OPLAH: variants seen among roughly 807,000 people sequenced by gnomAD.
OPLAH encodes 5-oxoprolinase.
Under a neutral mutation model 122.8 loss-of-function variants are expected in OPLAH, and 103 were observed. That is an observed-to-expected ratio of 0.84 (90% CI 0.71 to 0.99). The LOEUF (loss-of-function observed/expected upper bound fraction) is 0.99, where lower values mean the gene tolerates loss of function less well. Ranked by LOEUF, OPLAH falls within the 50% of genes least tolerant of loss-of-function variation. OPLAH has a pLI of 0.00. For missense variants in OPLAH, 1,902 were observed against 1,836.5 expected (o/e 1.04, Z -0.65); for synonymous variants, 875 against 796.0 (o/e 1.10, Z -1.67).
Position 144,054,789 on chromosome 8 carries a change from G to A in OPLAH, c.2511+23C>T, listed in dbSNP as rs1312063130. On this transcript the variant is annotated intron_variant, in intron 18 of 26. Coordinates refer to ENST00000618853, the MANE Select transcript of OPLAH (RefSeq NM_017570.5). ...CATCGGCCACCACTGCCCCAGCAGA[G>A]GCAGGCGGGCAGCACCCCTCACCGG... 3.1e-6 allele frequency: 5 copies of A among 1,612,070 alleles called. No individual in the cohort carries two copies. In the South Asian group the frequency reaches 3.3e-5, roughly 11 times the overall value.
chr8:144,051,855 G>A, intron 25 of OPLAH, 29 bp from the exon 26 acceptor site: 1 of 893,302 alleles, frequency 1.1e-6, no homozygotes, highest in Non-Finnish European at 1.5e-6. Context: ...AGTCCAGAGA[G>A]ACCAGGGGCG....
chr8:144,057,075 C>T lies in OPLAH; in HGVS notation c.1579G>A (p.Val527Met), dbSNP rs375093557. ...CAGGGTTCCTGTGCCTCATGCACCACGTCAGCCAGGGCCAGCCCCAGGGCC... is the reference window on the plus strand; with the variant it reads ...CAGGGTTCCTGTGCCTCATGCACCATGTCAGCCAGGGCCAGCCCCAGGGCC... ...LSALGLALAD[V>M]VHEAQEPCSL... The change falls in exon 12 of 27, where the codon GTG becomes ATG. Residue 527 changes from valine to methionine, a missense_variant. Physicochemically the swap from Val to Met is conservative, Grantham distance 21. This residue lies in a region of OPLAH where 1,726 missense variants were observed against 1,642.1 expected (regional missense o/e 1.05). Transcript: ENST00000618853. 8 of 1,602,682 alleles carry T rather than the reference C, an allele frequency of 5.0e-6. No homozygotes were observed. In the East Asian group the frequency reaches 6.7e-5, roughly 14 times the overall value.
chr8:144,054,781 C>T (rs1835468063), intron 18 of OPLAH, 31 bp downstream of exon 18: 1 of 1,611,964 alleles, frequency 6.2e-7, no homozygotes, highest in Non-Finnish European at 8.5e-7. Context: ...CACCACTGCC[C>T]CAGCAGAGGC....
At chr8:144,060,155 C>CG (rs1241877833) in intron 1 of OPLAH, 70 bp from the exon 2 acceptor site, 6 of 1,133,950 alleles carry the variant, frequency 5.3e-6, no homozygotes, top group South Asian at 1.6e-5. Flanking sequence ...CCTGCGCATG[C>CG]GGGGGGTTCC....
chr8:144,056,335 T>C, intron 14 of OPLAH, 50 bp downstream of exon 14: 2 of 1,594,854 alleles, frequency 1.3e-6, no homozygotes, highest in Non-Finnish European at 1.7e-6. Flanking sequence ...TTGGTCCCCA[T>C]CCCGGTGCCC....
At position 144,056,268 on chromosome 8, in the gene OPLAH, G is replaced by A. The variant is rs1554759023; in HGVS notation, c.1984-9C>T. 1 of 1,608,110 alleles carries A rather than the reference G, an allele frequency of 6.2e-7. No homozygotes were observed. Among genetic ancestry groups the A allele is most frequent in the South Asian group, 1.1e-5 (1 of 90,990 alleles). ...AAGTAGCACTGGGTCATCTGCAGAG[G>A]GTGCGGGTGAGTACAGCGCCCGGGC... On this transcript the variant is annotated splice_polypyrimidine_tract_variant and intron_variant, in intron 14 of 26. Coordinates refer to ENST00000618853, the MANE Select transcript of OPLAH (RefSeq NM_017570.5).
At chr8:144,054,976 GGGGGT>G in intron 17 of OPLAH, 48 bp downstream of exon 17, 1 of 1,049,518 alleles carries the variant, frequency 9.5e-7, no homozygotes, top group Non-Finnish European at 1.3e-6. Flanking sequence ...GGGGTGGGGG[GGGGGT>G]GGAGGGTGAG....
At position 144,052,485 on chromosome 8, in the gene OPLAH, G is replaced by A. The variant is rs782327071; in HGVS notation, c.3267C>T (p.Val1089=). 1 of 1,560,624 alleles carries A rather than the reference G, an allele frequency of 6.4e-7. No homozygotes were observed. Among genetic ancestry groups the A allele is most frequent in the Non-Finnish European group, 8.6e-7 (1 of 1,159,680 alleles). The change falls in exon 23 of 27, where the codon GTC becomes GTT. Residue 1089 remains valine, a synonymous_variant. Coordinates refer to ENST00000618853, the MANE Select transcript of OPLAH (RefSeq NM_017570.5). ...NVLTSQRVVD[V]ILGAFGACAA... ...CGCAGGCCCCAAAGGCCCCCAGGAT[G>A]ACATCCACCACGCGCTGCGACGTGA...
chr8:144,059,130 G>A (rs1835606645), intron 3 of OPLAH, 51 bp from the exon 4 acceptor site: 22 of 1,434,246 alleles, frequency 1.5e-5, no homozygotes, highest in East Asian at 7.4e-5. Context: ...GGTCCAGGCC[G>A]GGGTCCTGTG....
chr8:144,063,597 C>T (rs781905732), upstream of OPLAH: 35 of 152,868 alleles, frequency 2.3e-4, no homozygotes, highest in Non-Finnish European at 4.4e-5. The surrounding 1 kb of genome is among the most constrained non-coding windows in gnomAD (Gnocchi z 4.2). Flanking sequence ...CCCCGCCGCA[C>T]ATCCTGGAAG....
In OPLAH at chr8:144,052,157, C is replaced by G. The variant is rs782316792; in HGVS notation, c.3461+12G>C. The G allele has an allele frequency of 6.4e-6, 10 of 1,558,046 alleles. No homozygotes were observed. The highest frequency in any genetic ancestry group is 8.7e-6 in the Non-Finnish European group (10 of 1,155,672). ...CCCGGCCGTGCCCCCAGCCTCCGCGCACGCCGCTCACCGGCTCTCCAGGAT... is the reference window on the plus strand; with the variant it reads ...CCCGGCCGTGCCCCCAGCCTCCGCGGACGCCGCTCACCGGCTCTCCAGGAT... On this transcript the variant is annotated intron_variant, in intron 24 of 26. Transcript: ENST00000618853.
At position 144,056,729 on chromosome 8, in the gene OPLAH, A is replaced by G; in HGVS notation, c.1733T>C (p.Leu578Pro). Residue 578 changes from leucine to proline, a missense_variant, in exon 13 of 27, where the codon CTG becomes CCG. Leu to Pro is a moderately conservative substitution (Grantham distance 98). Around this residue, in one of 3 missense-constraint regions of OPLAH, gnomAD observed 1,726 missense variants for 1,642.1 expected, o/e 1.05. Transcript: ENST00000618853. Reference protein sequence around the residue: ...PRSQISTESFLHLRYQGTDCA... With the variant: ...PRSQISTESFPHLRYQGTDCA... The stretch of plus-strand genomic sequence containing the variant: ...GTCCGTGCCCTGGTAGCGCAGGTGC[A>G]GGAAGCTCTCAGTGCTGATCTGGGA... 1.2e-6 allele frequency: 2 copies of G among 1,610,746 alleles called. No homozygotes were observed. The highest frequency in any genetic ancestry group is 1.7e-6 in the Non-Finnish European group (2 of 1,179,080).
chr8:144,058,014 A>G lies in OPLAH; in HGVS notation c.1084T>C (p.Phe362Leu). The change falls in exon 8 of 27, where the codon TTC becomes CTC. Residue 362 changes from phenylalanine to leucine, a missense_variant. Phe to Leu is a conservative substitution (Grantham distance 22, BLOSUM62 0). Coordinates refer to ENST00000618853, the MANE Select transcript of OPLAH (RefSeq NM_017570.5). ...CTGGGAAGCAGGAGAGCTGACCTGA[A>G]GAAGAGGCGGGAACCCCCTCCCGCT... ...VAAGGGSRLF[F>L]RSGLFVVGPE... 1 of 1,612,448 alleles carries G rather than the reference A, an allele frequency of 6.2e-7. No homozygotes were observed. The highest frequency in any genetic ancestry group is 8.5e-7 in the Non-Finnish European group (1 of 1,179,758).
At chr8:144,057,178 C>G (rs1280107325) in intron 11 of OPLAH, 30 bp downstream of exon 11, 1 of 1,604,948 alleles carries the variant, frequency 6.2e-7, no homozygotes, top group Non-Finnish European at 8.5e-7. Context: ...GCAGATCACA[C>G]CACCTCCGTG....
chr8:144,051,619 G>C, intron 26 of OPLAH, 110 bp downstream of exon 26: 1 of 1,197,732 alleles, frequency 8.3e-7, no homozygotes, highest in Non-Finnish European at 1.2e-6. Context: ...TTTCCTTCCG[G>C]GGCCAAATTA....
rs782602789 is a variant in OPLAH, at chr8:144,052,035, G to A, written c.3503C>T (p.Ser1168Leu). Reference sequence around the variant, plus strand: ...GCCTCGGAAGCGGCCTCTGCCCCCCGAGCCCCGCCGCAGCTCGAAGCGGCG... The same window carrying A: ...GCCTCGGAAGCGGCCTCTGCCCCCCAAGCCCCGCCGCAGCTCGAAGCGGCG... ...ILRRFELRRG[S>L]GGRGRFRGGD... Residue 1168 changes from serine (S) to leucine (L), a missense_variant, in exon 25 of 27, where the codon TCG becomes TTG. Physicochemically the swap from Ser to Leu is moderately radical, Grantham distance 145. Coordinates refer to ENST00000618853, the MANE Select transcript of OPLAH (RefSeq NM_017570.5). The A allele has an allele frequency of 1.3e-6, 2 of 1,589,628 alleles. No homozygotes were observed. Among genetic ancestry groups the A allele is most frequent in the Non-Finnish European group, 1.7e-6 (2 of 1,176,200 alleles).
Position 144,055,969 on chromosome 8 carries a change from T to C in OPLAH, c.2097-30A>G, listed in dbSNP as rs1554758915. The C allele has an allele frequency of 5.2e-6, 8 of 1,535,382 alleles. No homozygotes were observed. Among genetic ancestry groups the C allele is most frequent in the Admixed American group, 2.0e-5 (1 of 50,528 alleles). ...GGAGCAGAGGGCACAGAGGGCTGCATGGGGCCAGGCGACACCCCTCCAACC... is the reference window on the plus strand; with the variant it reads ...GGAGCAGAGGGCACAGAGGGCTGCACGGGGCCAGGCGACACCCCTCCAACC... On this transcript the variant is annotated intron_variant, in intron 15 of 26. Transcript: ENST00000618853. This position sits in a 1 kb window ranked among gnomAD's most constrained non-coding sequence, Gnocchi z 6.5.
chr8:144,054,462 G>A (rs1835458640), intron 19 of OPLAH, 99 bp downstream of exon 19: 5 of 1,289,714 alleles, frequency 3.9e-6, no homozygotes, highest in Non-Finnish European at 5.3e-6. Flanking sequence ...GCAGGCCTGG[G>A]CCTATGGGCT....
rs117389174 is a variant in OPLAH at position 144,059,856 on chromosome 8, G to A, written c.171+6C>T. 1 of 1,612,418 alleles carries A rather than the reference G, an allele frequency of 6.2e-7. No homozygotes were observed. The highest frequency in any genetic ancestry group is 8.5e-7 in the Non-Finnish European group (1 of 1,179,772). ...GTCCCTGTCCACCCGCTCCGCCCTGGCCCACCTGCTCCAGGATGCGGCGGA... is the reference window on the plus strand; with the variant it reads ...GTCCCTGTCCACCCGCTCCGCCCTGACCCACCTGCTCCAGGATGCGGCGGA... On this transcript the variant is annotated splice_donor_region_variant and intron_variant, in intron 2 of 26. Transcript: ENST00000618853.
Sources: allele counts gnomAD v4.1 joint callset, GRCh38; gene constraint gnomAD v4.1.1; regional missense constraint gnomAD v4.1.1; non-coding constraint Gnocchi (gnomAD v3.1); transcripts MANE v1.5; gene names NCBI Gene and HGNC (gene_info 2026-07-23, HGNC 2026-07-21).